Variants in WNT2 observed in about 807,000 individuals in gnomAD.
WNT2 encodes Wnt family member 2.
WNT2 carries 12 observed loss-of-function variants against 36.9 expected under a neutral mutation model. The ratio of observed to expected loss-of-function variants is 0.33; its 90% CI spans 0.21 to 0.53. The LOEUF (loss-of-function observed/expected upper bound fraction) is 0.53, where lower values mean the gene tolerates loss of function less well. Ranked by LOEUF, WNT2 falls within the 20% of genes least tolerant of loss-of-function variation. The pLI is 0.95. For missense variants in WNT2, 379 were observed against 473.1 expected, an observed-to-expected ratio of 0.80 and a Z score of 1.84; for synonymous variants, 163 against 174.6, an observed-to-expected ratio of 0.93 and a Z score of 0.52.
intron 3 of WNT2, 112 bp from the exon 4 acceptor site, chr7:117,297,988 G>A: frequency 1.4e-6 from 2 of 1,391,998 alleles, no homozygotes; most frequent in Admixed American, 2.3e-5. Context: ...TGGATCCTGG[G>A]GCAAGTGACT....
intron 2 of WNT2, among the ~76,000 whole-genome samples, chr7:117,317,541 TA>T (rs1318773859): frequency 1.3e-5 from 2 of 152,218 alleles, no homozygotes; most frequent in African/African-American, 4.8e-5. Flanking sequence ...GTTACGTGTT[TA>T]GATGAATCAC....
At chr7:117,313,341 C>T (rs776931327) in intron 3 of WNT2, among the ~76,000 whole-genome samples, 11 of 152,228 alleles carry the variant, frequency 7.2e-5, no homozygotes, top group Non-Finnish European at 1.5e-4. Flanking sequence ...TTTAAAAAGT[C>T]AGTGTGTGCA....
intron 2 of WNT2, among the ~76,000 whole-genome samples, chr7:117,319,452 T>A (rs561445002): frequency 2.0e-4 from 30 of 150,430 alleles, no homozygotes; most frequent in Admixed American, 4.0e-4. Context: ...AGGGCTGTGA[T>A]GATTACATGA....
intron 4 of WNT2, among the ~76,000 whole-genome samples, chr7:117,295,090 CA>C (rs1296208897): frequency 6.6e-6 from 1 of 151,182 alleles, no homozygotes; most frequent in Non-Finnish European, 1.5e-5. Context: ...GACTCTGTCT[CA>C]AAAAAAGAAA....
At chr7:117,316,057 G>A (rs993369973) in intron 2 of WNT2, among the ~76,000 whole-genome samples, 2 of 152,136 alleles carry the variant, frequency 1.3e-5, no homozygotes, top group African/African-American at 4.8e-5. Flanking sequence ...CTTTCTTCTG[G>A]AACACCTGCA....
rs143749132 is a variant in WNT2, at chr7:117,278,178, C to A, written c.1060G>T (p.Ala354Ser). 7 of 1,614,096 alleles carry A rather than the reference C, an allele frequency of 4.3e-6. No homozygotes were observed. The highest frequency in any genetic ancestry group is 5.9e-6 in the Non-Finnish European group (7 of 1,180,038). Reference protein sequence around the residue: ...DVHTCKAPKNADWTTAT With the variant: ...DVHTCKAPKNSDWTTAT ...GGTCATGTAGCGGTTGTCCAGTCAGCGTTCTTGGGGGCCTTGCATGTGTGC... is the reference window on the plus strand; with the variant it reads ...GGTCATGTAGCGGTTGTCCAGTCAGAGTTCTTGGGGGCCTTGCATGTGTGC... Residue 354 changes from alanine to serine, a missense_variant, in exon 5 of 5, where the codon GCT becomes TCT. Ala to Ser is a moderately conservative substitution (Grantham distance 99). Transcript: ENST00000265441.
intron 4 of WNT2, among the ~76,000 whole-genome samples, chr7:117,279,258 C>T (rs1794438241): frequency 6.6e-6 from 1 of 152,184 alleles, no homozygotes; most frequent in African/African-American, 2.4e-5. Context: ...CTTTTATAAG[C>T]ACATTATCAG....
chr7:117,303,219 C>T lies in WNT2; in HGVS notation c.589-5343G>A, dbSNP rs558673970. On this transcript the variant is annotated intron_variant, in intron 3 of 4. Transcript: ENST00000265441. Reference sequence around the variant, plus strand: ...CAGAGGAGAAGGTGAGAAACCCCTGCACCGTGGCGGGAGTCTGGGGCCTAT... The same window carrying T: ...CAGAGGAGAAGGTGAGAAACCCCTGTACCGTGGCGGGAGTCTGGGGCCTAT... Among the ~76,000 whole-genome samples, 5 of 152,316 alleles carry T rather than the reference C, an allele frequency of 3.3e-5. No individual in the cohort carries two copies. In the South Asian group the frequency reaches 1.0e-3, roughly 32 times the overall value.
At chr7:117,287,182 A>G (rs1794597612) in intron 4 of WNT2, among the ~76,000 whole-genome samples, 4 of 152,156 alleles carry the variant, frequency 2.6e-5, no homozygotes, top group African/African-American at 9.7e-5. Flanking sequence ...CCCTGTCCCT[A>G]TTAAAAATAC....
intron 3 of WNT2, among the ~76,000 whole-genome samples, chr7:117,304,273 T>C (rs1025605041): frequency 2.6e-5 from 4 of 152,180 alleles, no homozygotes; most frequent in African/African-American, 4.8e-5. Context: ...GTGGATTCTT[T>C]GAAAATGGAT....
intron 4 of WNT2, among the ~76,000 whole-genome samples, chr7:117,287,953 A>T (rs1049734761): frequency 2.0e-5 from 3 of 152,010 alleles, no homozygotes; most frequent in African/African-American, 7.2e-5. Context: ...GGGCCATTGT[A>T]CTCCAGCCTA....
At chr7:117,309,196 AT>A (rs942754304) in intron 3 of WNT2, among the ~76,000 whole-genome samples, 1 of 151,598 alleles carries the variant, frequency 6.6e-6, no homozygotes, top group South Asian at 2.1e-4. Context: ...AAAAAAAAAA[AT>A]TTTTTAAGTC....
At chr7:117,292,590 T>C (rs946493006) in intron 4 of WNT2, among the ~76,000 whole-genome samples, 3 of 152,224 alleles carry the variant, frequency 2.0e-5, no homozygotes, top group African/African-American at 4.8e-5. Context: ...GTCTCGACTC[T>C]GCAATTTTTC....
Position 117,320,772 on chromosome 7 carries a change from G to A in WNT2, c.105C>T (p.Gly35=). 7 of 1,611,646 alleles carry A rather than the reference G, an allele frequency of 4.3e-6. No individual in the cohort carries two copies. Among genetic ancestry groups the A allele is most frequent in the Non-Finnish European group, 5.9e-6 (7 of 1,179,714 alleles). ...SSWWYMRATG[G]SSRVMCDNVP... ...CATTATCGCACATCACCCTGGAGGA[G>A]CCACCTGTAGCTCTCATGTACCTAT... The change falls in exon 2 of 5, where the codon GGC becomes GGT. Residue 35 remains glycine (G), a synonymous_variant. Transcript: ENST00000265441.
chr7:117,300,482 G>A (rs115324868), intron 3 of WNT2, among the ~76,000 whole-genome samples: 7,809 of 152,158 alleles, frequency 0.051, 272 homozygotes, highest in African/African-American at 0.077. Flanking sequence ...ATCGTACCTG[G>A]CCATGTTTCT....
At position 117,315,462 on chromosome 7, in the gene WNT2, A is replaced by G. The variant is rs1301239337; in HGVS notation, c.311-114T>C. ...TTCAGACAACCTTTGCCACTAGACA[A>G]CAAGGTACTGATATTCTTGAAGGGT... is the stretch of plus-strand genomic sequence containing the variant. On this transcript the variant is annotated intron_variant, in intron 2 of 4. Coordinates refer to ENST00000265441, the MANE Select transcript of WNT2 (RefSeq NM_003391.3). The G allele has an allele frequency of 3.7e-6, 4 of 1,094,204 alleles. No individual in the cohort carries two copies. In the African/African-American group the frequency reaches 4.8e-5, roughly 13 times the overall value. 67.8% of individuals were successfully genotyped at this position (1,094,204 alleles called of 1,614,324 possible). A position where few individuals can be genotyped will look rare whatever the true frequency, so the allele number is the denominator to read the frequency against.
chr7:117,310,970 C>T (rs900109115), intron 3 of WNT2, among the ~76,000 whole-genome samples: 3 of 152,140 alleles, frequency 2.0e-5, no homozygotes, highest in African/African-American at 7.2e-5. Context: ...TCAGGGGCTG[C>T]TTTGTTTTAT....
At chr7:117,280,741 T>G (rs980907026) in intron 4 of WNT2, among the ~76,000 whole-genome samples, 15 of 152,234 alleles carry the variant, frequency 9.9e-5, no homozygotes, top group Admixed American at 9.8e-4. Flanking sequence ...AAATAGTTCT[T>G]TCATCATAGA....
Position 117,312,080 on chromosome 7 carries a change from C to T in WNT2, c.588+2991G>A, listed in dbSNP as rs139755047. On this transcript the variant is annotated intron_variant, in intron 3 of 4. Coordinates refer to ENST00000265441, the MANE Select transcript of WNT2 (RefSeq NM_003391.3). ...CATGAGTTATTTTCATACAGATTCC[C>T]TTAGGAACATTTAAAGAAGTTGTGA... Among the ~76,000 whole-genome samples, 14 of 152,276 alleles carry T rather than the reference C, an allele frequency of 9.2e-5. No homozygotes were observed. In the East Asian group the frequency reaches 1.9e-3, roughly 21 times the overall value.
Sources: gnomAD v4.1 joint callset for allele counts (sites outside exome capture counted in the v4.1 genomes callset) on GRCh38, gnomAD v4.1.1 for gene constraint, MANE v1.5 for transcripts, NCBI Gene and HGNC (gene_info 2026-07-23, HGNC 2026-07-21) for gene names.